CDR2: variants seen among roughly 807,000 people sequenced by gnomAD.
The protein encoded by CDR2 is cerebellar degeneration related protein 2.
In CDR2, 34 loss-of-function variants were observed where a neutral mutation model predicts 48.4. The observed-to-expected ratio is 0.70, with a 90% CI of 0.53 to 0.94. CDR2 has a LOEUF of 0.94. Ranked by LOEUF, CDR2 falls within the 40% of genes least tolerant of loss-of-function variation. The probability of loss-of-function intolerance (pLI) is 0.00; values close to 1 mark genes in which losing one functional copy is unlikely to be tolerated. For missense variants in CDR2, 498 were observed against 549.5 expected, an observed-to-expected ratio of 0.91 and a Z score of 0.94; for synonymous variants, 240 against 219.7, an observed-to-expected ratio of 1.09 and a Z score of -0.82.
chr16:22,361,266 C>T (rs1375194201), intron 2 of CDR2, among the ~76,000 whole-genome samples: 1 of 152,150 alleles, frequency 6.6e-6, no homozygotes, highest in Non-Finnish European at 1.5e-5. Flanking sequence ...AAACTATACA[C>T]TTAGGATTTA....
At chr16:22,355,806 CT>C (rs2048971098) in intron 2 of CDR2, among the ~76,000 whole-genome samples, 1 of 152,050 alleles carries the variant, frequency 6.6e-6, no homozygotes, top group Admixed American at 6.5e-5. Context: ...TCCTCAGCCC[CT>C]GTCTATAAAA....
intron 2 of CDR2, among the ~76,000 whole-genome samples, chr16:22,357,577 G>T (rs538764191): frequency 6.6e-6 from 1 of 152,182 alleles, no homozygotes; most frequent in Non-Finnish European, 1.5e-5. Flanking sequence ...TATTAACCAT[G>T]AATTCTCTCC....
chr16:22,373,515 G>A (rs933706987), intron 1 of CDR2, among the ~76,000 whole-genome samples: 1 of 152,192 alleles, frequency 6.6e-6, no homozygotes, highest in Non-Finnish European at 1.5e-5. Context: ...CTTAGCTTTA[G>A]GCAAGCCACT....
In CDR2 at chr16:22,347,595, T is replaced by G. The variant is rs767206866; in HGVS notation, c.735A>C (p.Ala245=). ...CCTCGGCCTCTAGTTCCAGCGCCCGTGCTCGGTAGGCACCTGTGGCCCCCA... is the reference window on the plus strand; with the variant it reads ...CCTCGGCCTCTAGTTCCAGCGCCCGGGCTCGGTAGGCACCTGTGGCCCCCA... ...QQLGATGAYR[A]RALELEAEVA... Residue 245 remains alanine, a synonymous_variant, in exon 5 of 5, where the codon GCA becomes GCC. Coordinates refer to ENST00000268383, the MANE Select transcript of CDR2 (RefSeq NM_001802.2). The G allele has an allele frequency of 1.2e-6, 2 of 1,614,048 alleles. No homozygotes were observed.
chr16:22,368,092 A>G (rs1331148295), intron 1 of CDR2, among the ~76,000 whole-genome samples: 2 of 152,228 alleles, frequency 1.3e-5, no homozygotes, highest in Non-Finnish European at 2.9e-5. Context: ...TCAAAAATAA[A>G]AAAATAAAAA....
chr16:22,349,133 T>A (rs537121213), intron 4 of CDR2, 146 bp downstream of exon 4: 2 of 763,278 alleles, frequency 2.6e-6, no homozygotes, highest in Non-Finnish European at 4.3e-6. Flanking sequence ...GTAATTTATA[T>A]GTTTAAGTGA....
At chr16:22,373,847 T>G (rs1452810544) in intron 1 of CDR2, among the ~76,000 whole-genome samples, 1 of 152,234 alleles carries the variant, frequency 6.6e-6, no homozygotes, top group Non-Finnish European at 1.5e-5. Flanking sequence ...GGCGCTGGGC[T>G]AGACAGCCTG....
At chr16:22,374,043 G>C (rs550889280) in intron 1 of CDR2, among the ~76,000 whole-genome samples, 188 bp downstream of exon 1, 4 of 152,364 alleles carry the variant, frequency 2.6e-5, no homozygotes, top group African/African-American at 7.2e-5. Context: ...TAGCAAGGCC[G>C]TGGGCCCCGT....
At chr16:22,362,315 G>A (rs990669277) in intron 2 of CDR2, among the ~76,000 whole-genome samples, 11 of 152,154 alleles carry the variant, frequency 7.2e-5, no homozygotes, top group African/African-American at 2.7e-4. Flanking sequence ...TAGATTTAGA[G>A]AATCTCAGAT....
intron 1 of CDR2, among the ~76,000 whole-genome samples, chr16:22,374,020 T>C (rs913168140): frequency 3.3e-5 from 5 of 152,210 alleles, no homozygotes; most frequent in Non-Finnish European, 5.9e-5. Flanking sequence ...GGGGCTGATA[T>C]TCAACTGCGC....
chr16:22,362,238 G>C (rs917846864), intron 2 of CDR2, among the ~76,000 whole-genome samples: 5 of 152,092 alleles, frequency 3.3e-5, no homozygotes, highest in Non-Finnish European at 7.4e-5. Flanking sequence ...GTCTGAACTG[G>C]ATTATTTCAT....
In CDR2 at chr16:22,366,841, G is replaced by A. The variant is rs983750999; in HGVS notation, c.80-1827C>T. ...AGAGTGACAGAAAGATACTGCAATC[G>A]TCTGGGTGAGAGATGATGGTGGCTT... On this transcript the variant is annotated intron_variant, in intron 1 of 4. Coordinates refer to ENST00000268383, the MANE Select transcript of CDR2 (RefSeq NM_001802.2). 5.9e-5 allele frequency among the ~76,000 whole-genome samples: 9 copies of A among 152,282 alleles called. No homozygotes were observed. The East Asian group carries it at 1.3e-3, about 23-fold the overall frequency.
chr16:22,355,541 T>C (rs1037241994), intron 2 of CDR2, among the ~76,000 whole-genome samples: 5 of 152,234 alleles, frequency 3.3e-5, no homozygotes, highest in South Asian at 4.1e-4. Context: ...TTAAAATTTA[T>C]AGGAGACCAC....
chr16:22,356,404 G>A (rs1231507255), intron 2 of CDR2, among the ~76,000 whole-genome samples: 1 of 152,208 alleles, frequency 6.6e-6, no homozygotes, highest in Non-Finnish European at 1.5e-5. Context: ...GATCACTTGA[G>A]GTCAGGAGTT....
intron 3 of CDR2, 32 bp downstream of exon 3, chr16:22,349,669 A>G: frequency 1.2e-6 from 2 of 1,610,244 alleles, no homozygotes. Context: ...ACTTCCCCCT[A>G]GTCCTTCCTT....
At chr16:22,366,775 C>G (rs779748247) in intron 1 of CDR2, among the ~76,000 whole-genome samples, 1 of 152,032 alleles carries the variant, frequency 6.6e-6, no homozygotes, top group East Asian at 1.9e-4. Context: ...AGGATCACTC[C>G]GGCTGCTGTT....
intron 1 of CDR2, 68 bp downstream of exon 1, chr16:22,374,163 T>G: frequency 9.4e-7 from 1 of 1,059,126 alleles, no homozygotes; most frequent in Non-Finnish European, 1.4e-6. Flanking sequence ...AGCAACTTTT[T>G]AACAGTTTCG....
intron 2 of CDR2, among the ~76,000 whole-genome samples, chr16:22,363,847 T>A (rs189994415): frequency 2.0e-5 from 3 of 152,312 alleles, no homozygotes; most frequent in East Asian, 3.9e-4. Flanking sequence ...AAGGGGACTA[T>A]TTATAAGATT....
In CDR2 at chr16:22,364,968, G is replaced by A. The variant is rs372080943; in HGVS notation, c.126C>T (p.Asn42=). The A allele has an allele frequency of 1.2e-6, 2 of 1,613,616 alleles. No homozygotes were observed. The highest frequency in any genetic ancestry group is 1.3e-5 in the African/African-American group (1 of 74,892). The stretch of plus-strand genomic sequence containing the variant: ...GCTGAACAGAGTCCTCCAACTCTGT[G>A]TTCCGATCCAGTAATGTCTTCCCAA... ...AELGKTLLDR[N]TELEDSVQQM... The change falls in exon 2 of 5, where the codon AAC becomes AAT. Residue 42 remains asparagine, a synonymous_variant. Transcript: ENST00000268383.
Sources: allele counts gnomAD v4.1 joint callset (sites outside exome capture counted in the v4.1 genomes callset), GRCh38; gene constraint gnomAD v4.1.1; transcripts MANE v1.5; gene names NCBI Gene and HGNC (gene_info 2026-07-23, HGNC 2026-07-21).